The following EXOC4 variants were observed in gnomAD, a reference collection of about 807,000 sequenced individuals.
EXOC4 encodes the protein exocyst complex component 4.
EXOC4 carries 71 observed loss-of-function variants against 107.2 expected under a neutral mutation model. The observed-to-expected ratio is 0.66, with a 90% CI of 0.55 to 0.81. The LOEUF (loss-of-function observed/expected upper bound fraction) is 0.81. Ranked by LOEUF, EXOC4 falls within the 30% of genes least tolerant of loss-of-function variation. The pLI is 0.00. For missense variants in EXOC4, 1,108 were observed against 1,189.6 expected, an observed-to-expected ratio of 0.93 and a Z score of 1.01; for synonymous variants, 456 against 441.2, an observed-to-expected ratio of 1.03 and a Z score of -0.42.
chr7:134,042,939 G>A (rs1795554197), intron 17 of EXOC4, among the ~76,000 whole-genome samples: 1 of 152,202 alleles, frequency 6.6e-6, no homozygotes, highest in Non-Finnish European at 1.5e-5. Context: ...GGTGCCGGGG[G>A]CTGAGGCAGG....
chr7:133,369,368 A>G (rs1370596171), intron 6 of EXOC4, among the ~76,000 whole-genome samples: 1 of 152,148 alleles, frequency 6.6e-6, no homozygotes, highest in Non-Finnish European at 1.5e-5. Flanking sequence ...CTTATTAGTC[A>G]TTCACTGCTT....
intron 9 of EXOC4, among the ~76,000 whole-genome samples, chr7:133,482,740 C>T (rs888964378): frequency 1.3e-5 from 2 of 152,078 alleles, no homozygotes; most frequent in Non-Finnish European, 2.9e-5. Context: ...GTGAGTTAAG[C>T]TAGGAAGTGT....
chr7:133,957,490 C>T (rs1050533083), intron 14 of EXOC4, among the ~76,000 whole-genome samples: 1 of 152,152 alleles, frequency 6.6e-6, no homozygotes, highest in African/African-American at 2.4e-5. Context: ...TTAGGATTTT[C>T]CTGATAGAGT....
At chr7:133,303,740 T>C (rs1483363266) in intron 3 of EXOC4, among the ~76,000 whole-genome samples, 1 of 152,244 alleles carries the variant, frequency 6.6e-6, no homozygotes, top group Non-Finnish European at 1.5e-5. Flanking sequence ...TATGTTATTA[T>C]GTTATCTTGT....
intron 10 of EXOC4, among the ~76,000 whole-genome samples, chr7:133,681,698 G>A (rs1794190801): frequency 1.3e-5 from 2 of 151,674 alleles, no homozygotes; most frequent in South Asian, 4.2e-4. Context: ...TGGGCACACA[G>A]CCAAACCATA....
intron 10 of EXOC4, among the ~76,000 whole-genome samples, chr7:133,661,239 G>A (rs1273854405): frequency 6.6e-6 from 1 of 152,056 alleles, no homozygotes; most frequent in Admixed American, 6.6e-5. Context: ...TATATGTGCC[G>A]AGGCTCTGAG....
At chr7:133,462,201 A>ACTATAGT (rs748720653) in intron 7 of EXOC4, among the ~76,000 whole-genome samples, 2 of 152,090 alleles carry the variant, frequency 1.3e-5, no homozygotes, top group Non-Finnish European at 2.9e-5. Flanking sequence ...ATCTAAAGTG[A>ACTATAGT]CTATAGTAAG....
At chr7:133,805,571 G>A (rs1797055758) in intron 10 of EXOC4, among the ~76,000 whole-genome samples, 1 of 152,174 alleles carries the variant, frequency 6.6e-6, no homozygotes, top group Non-Finnish European at 1.5e-5. Context: ...GGGTGGTGTG[G>A]TGACATAGTA....
chr7:133,463,724 A>G (rs1197923515), intron 7 of EXOC4, among the ~76,000 whole-genome samples: 1 of 152,232 alleles, frequency 6.6e-6, no homozygotes, highest in East Asian at 1.9e-4. Context: ...AAAACATTCC[A>G]AAAGTTTAGA....
chr7:133,395,094 C>G (rs1796940624), intron 7 of EXOC4, among the ~76,000 whole-genome samples: 1 of 147,364 alleles, frequency 6.8e-6, no homozygotes, highest in Admixed American at 6.8e-5. Context: ...GCTGGTCAAA[C>G]AGCAATACTT....
chr7:133,935,154 C>G (rs1426283104), intron 13 of EXOC4, among the ~76,000 whole-genome samples: 1 of 152,006 alleles, frequency 6.6e-6, no homozygotes, highest in African/African-American at 2.4e-5. Context: ...CTCCATTATG[C>G]TCAGCACTGG....
At chr7:134,084,965 A>G in the EXOC4 span, among the ~76,000 whole-genome samples, 1 of 152,188 alleles carries the variant, frequency 6.6e-6, no homozygotes, top group African/African-American at 2.4e-5. Flanking sequence ...TAAGGCATAA[A>G]AACAGCTGGG....
chr7:133,997,392 C>T, intron 14 of EXOC4, 100 bp from the exon 15 acceptor site: 1 of 1,339,886 alleles, frequency 7.5e-7, no homozygotes, highest in Non-Finnish European at 1.0e-6. Context: ...TAGTGTTAAC[C>T]AAGCTAGTAA....
intron 9 of EXOC4, among the ~76,000 whole-genome samples, chr7:133,553,230 G>A (rs1162041117): frequency 6.6e-6 from 1 of 152,202 alleles, no homozygotes; most frequent in Non-Finnish European, 1.5e-5. Context: ...ACTAATCACA[G>A]TGTGTCTGTA....
chr7:133,431,354 G>A (rs1797853207), intron 7 of EXOC4, among the ~76,000 whole-genome samples: 1 of 152,144 alleles, frequency 6.6e-6, no homozygotes, highest in Admixed American at 6.5e-5. Flanking sequence ...TTAAATAACT[G>A]CATTTTACCC....
chr7:133,383,341 C>T (rs1796660032), intron 7 of EXOC4, among the ~76,000 whole-genome samples: 2 of 152,264 alleles, frequency 1.3e-5, no homozygotes, highest in South Asian at 4.1e-4. Context: ...TGTGTAACTC[C>T]TTGGCATGCT....
chr7:133,991,079 C>A (rs1318418196), intron 14 of EXOC4, among the ~76,000 whole-genome samples: 3 of 152,148 alleles, frequency 2.0e-5, no homozygotes, highest in Admixed American at 2.0e-4. Context: ...CACATCCTCA[C>A]CAGCATTTGT....
At chr7:133,625,809 A>G (rs1322218195) in intron 9 of EXOC4, among the ~76,000 whole-genome samples, 2 of 152,106 alleles carry the variant, frequency 1.3e-5, no homozygotes, top group African/African-American at 2.4e-5. Context: ...TCTGGTGCCT[A>G]TCACCTGGCC....
chr7:133,755,424 A>G lies in EXOC4; in HGVS notation c.1515-61901A>G, dbSNP rs528709558. Among the ~76,000 whole-genome samples the G allele has an allele frequency of 2.4e-4, 34 of 144,136 alleles. No homozygotes were observed. The South Asian group carries it at 7.5e-3, about 32-fold the overall frequency. The allele number at this position is 144,136 out of a possible 152,430, so 94.6% of individuals were successfully genotyped here. A position where few individuals can be genotyped will look rare whatever the true frequency, so the allele number is the denominator to read the frequency against. ...AGTGGCGCCATCTCAGCCCACTGCA[A>G]CCTCCGCCTCCTGGGTTCAAGCGAT... is the stretch of plus-strand genomic sequence containing the variant. On this transcript the variant is annotated intron_variant, in intron 10 of 17. Coordinates refer to ENST00000253861, the MANE Select transcript of EXOC4 (RefSeq NM_021807.4).
Sources: gnomAD v4.1 joint callset for allele counts (sites outside exome capture counted in the v4.1 genomes callset) on GRCh38, gnomAD v4.1.1 for gene constraint, MANE v1.5 for transcripts, NCBI Gene and HGNC (gene_info 2026-07-23, HGNC 2026-07-21) for gene names.